MAX: variants seen among roughly 807,000 people sequenced by gnomAD.
MAX encodes MYC associated transcriptional regulator X.
Under a neutral mutation model 22.3 loss-of-function variants are expected in MAX, and 3 were observed. The ratio of observed to expected loss-of-function variants is 0.13; its 90% CI spans 0.06 to 0.35. The LOEUF is 0.35. Ranked by LOEUF, MAX falls within the 10% of genes least tolerant of loss-of-function variation. The probability of loss-of-function intolerance (pLI) is 1.00; values close to 1 mark genes in which losing one functional copy is unlikely to be tolerated. For synonymous variants in MAX, 72 were observed against 77.7 expected (o/e 0.93, Z 0.39); for missense variants, 119 against 209.4 (o/e 0.57, Z 2.66).
chr14:65,066,401 C>A (rs2062930693), intron 3 of MAX, among the ~76,000 whole-genome samples: 1 of 152,208 alleles, frequency 6.6e-6, no homozygotes, highest in African/African-American at 2.4e-5. Flanking sequence ...GGAACTGGGG[C>A]CAGGTGGCCT....
chr14:65,059,780 A>G (rs974272832), intron 3 of MAX, among the ~76,000 whole-genome samples: 12 of 150,438 alleles, frequency 8.0e-5, no homozygotes, highest in African/African-American at 2.9e-4. Flanking sequence ...AATTTTGTTT[A>G]TATATTTAAA....
chr14:65,093,688 A>G lies in MAX; in HGVS notation c.171+20T>C, dbSNP rs374325957. 38 of 1,357,012 alleles carry G rather than the reference A, an allele frequency of 2.8e-5. No homozygotes were observed. The highest frequency in any genetic ancestry group is 2.1e-5 in the Non-Finnish European group (20 of 945,230). The allele number at this position is 1,357,012 out of a possible 1,614,324, so 84.1% of individuals were successfully genotyped here. ...CCAAGCTAGTAGTGGCCAGCTACTC[A>G]GCTTTCTCAGGAAACTCACCTTCTC... is the stretch of plus-strand genomic sequence containing the variant. On this transcript the variant is annotated intron_variant, in intron 3 of 4. Transcript: ENST00000358664. This position sits in a 1 kb window ranked among gnomAD's most constrained non-coding sequence, Gnocchi z 4.4.
chr14:65,045,751 A>C (rs993061505), intron 3 of MAX, among the ~76,000 whole-genome samples: 3 of 151,798 alleles, frequency 2.0e-5, no homozygotes, highest in Non-Finnish European at 4.4e-5. Flanking sequence ...ATTTCCTTTG[A>C]GTTGTTGAGT....
rs1182549401 is a variant in MAX, at chr14:65,084,194, C to T, written c.172-6158G>A. The T allele has an allele frequency of 6.2e-7, 1 of 1,613,948 alleles. No individual in the cohort carries two copies. The highest frequency in any genetic ancestry group is 8.5e-7 in the Non-Finnish European group (1 of 1,179,890). ...ACAATCATTTTTTAAATCTTGCATT[C>T]TTTTTTCTTGTGCACTTGGTAGCTT... On this transcript the variant is annotated intron_variant, in intron 3 of 4. Coordinates refer to ENST00000358664, the MANE Select transcript of MAX (RefSeq NM_002382.5). This position sits in a 1 kb window ranked among gnomAD's most constrained non-coding sequence, Gnocchi z 4.3.
rs1390045484 is a variant in MAX at position 65,077,277 on chromosome 14, A to C, written c.296-614T>G. The C allele has an allele frequency of 8.3e-7, 1 of 1,208,820 alleles. No individual in the cohort carries two copies. Among genetic ancestry groups the C allele is most frequent in the South Asian group, 1.3e-5 (1 of 76,792 alleles). The allele number at this position is 1,208,820 out of a possible 1,614,324, so 74.9% of individuals were successfully genotyped here. A position where few individuals can be genotyped will look rare whatever the true frequency, so the allele number is the denominator to read the frequency against. ...TGGTTCAGCTCAGCTTGAGCCTGGA[A>C]GGTCAACCCATTTAATTTATTTTAT... On this transcript the variant is annotated intron_variant, in intron 4 of 4. Transcript: ENST00000358664. This position sits in a 1 kb window ranked among gnomAD's most constrained non-coding sequence, Gnocchi z 6.3.
At chr14:65,040,664 C>A in intron 3 of MAX, 63 of 567,598 alleles carry the variant, frequency 1.1e-4, no homozygotes, top group East Asian at 1.6e-4. Context: ...GGCATCTTTT[C>A]ATTCATAGTT....
Position 65,077,813 on chromosome 14 carries a change from CA to C in MAX, c.295+99del. Reference sequence around the variant, plus strand: ...GCAGGACCAAGCCTGCTACTGAGCACATACTCCATGACTGGCTCTGACTCTG... The same window carrying C: ...GCAGGACCAAGCCTGCTACTGAGCACTACTCCATGACTGGCTCTGACTCTG... On this transcript the variant is annotated intron_variant, in intron 4 of 4. Coordinates refer to ENST00000358664, the MANE Select transcript of MAX (RefSeq NM_002382.5). This position sits in a 1 kb window ranked among gnomAD's most constrained non-coding sequence, Gnocchi z 6.3. The C allele has an allele frequency of 6.2e-7, 1 of 1,614,182 alleles. No homozygotes were observed. Among genetic ancestry groups the C allele is most frequent in the Non-Finnish European group, 8.5e-7 (1 of 1,180,048 alleles).
chr14:65,095,901 C>A (rs956699425), intron 2 of MAX, among the ~76,000 whole-genome samples: 1 of 152,208 alleles, frequency 6.6e-6, no homozygotes, highest in Admixed American at 6.5e-5. Context: ...CTTGGTTTCA[C>A]GTGGACCTGC....
rs545852767 is a variant in MAX, at chr14:65,009,347, G to A, written c.172-3063C>T. ...TGTTATATTTCTTAATTTCACTGGC[G>A]CTTCACTAACTGCCTTATAATCCTT... On this transcript the variant is annotated intron_variant, in intron 3 of 3. Coordinates refer to the MAX transcript ENST00000341653. The surrounding 1 kb of genome is among the most constrained non-coding windows in gnomAD (Gnocchi z 4.2). 9.9e-5 allele frequency among the ~76,000 whole-genome samples: 15 copies of A among 152,024 alleles called. No individual in the cohort carries two copies. The highest frequency in any genetic ancestry group is 6.2e-4 in the South Asian group (3 of 4,808).
chr14:65,053,226 G>T (rs1483953158), intron 3 of MAX: 1 of 1,366,062 alleles, frequency 7.3e-7, no homozygotes, highest in Non-Finnish European at 9.5e-7. Context: ...CTGACCCTTT[G>T]CCCTTCAACA....
Position 65,032,702 on chromosome 14 carries a change from A to T in MAX, c.172-26418T>A, listed in dbSNP as rs201716333. On this transcript the variant is annotated intron_variant, in intron 3 of 3. Coordinates refer to the MAX transcript ENST00000341653. This position sits in a 1 kb window ranked among gnomAD's most constrained non-coding sequence, Gnocchi z 5.0. ...ACTGCTGAATGGATAGCAAGGTGAG[A>T]GAAGCCAGGGTTTCTCCTGGCCTCT... 29 of 1,613,060 alleles carry T rather than the reference A, an allele frequency of 1.8e-5. No individual in the cohort carries two copies. In the Middle Eastern group the frequency reaches 1.8e-3, roughly 101 times the overall value.
At chr14:65,051,914 C>A (rs2062622805) in intron 3 of MAX, among the ~76,000 whole-genome samples, 1 of 151,788 alleles carries the variant, frequency 6.6e-6, no homozygotes. Context: ...CCTGCCTCAG[C>A]CTCCTGAGTA....
chr14:65,074,667 C>A (rs947736871), downstream of MAX, among the ~76,000 whole-genome samples: 1 of 152,238 alleles, frequency 6.6e-6, no homozygotes, highest in African/African-American at 2.4e-5. Context: ...TAACTCGGTG[C>A]AGTTGGAGCC....
Position 65,069,678 on chromosome 14 carries a change from T to C in MAX, c.171+24030A>G, listed in dbSNP as rs929469757. Among the ~76,000 whole-genome samples the C allele has an allele frequency of 1.3e-5, 2 of 152,196 alleles. No individual in the cohort carries two copies. Among genetic ancestry groups the C allele is most frequent in the African/African-American group, 4.8e-5 (2 of 41,440 alleles). On this transcript the variant is annotated intron_variant, in intron 3 of 3. Coordinates refer to the MAX transcript ENST00000341653. This position sits in a 1 kb window ranked among gnomAD's most constrained non-coding sequence, Gnocchi z 4.6. Reference sequence around the variant, plus strand: ...GGCACACGCACATATGCATGCAGCATTTGTAGAGTACCCACCACAAGCCAA... The same window carrying C: ...GGCACACGCACATATGCATGCAGCACTTGTAGAGTACCCACCACAAGCCAA...
chr14:65,044,700 G>A lies in MAX; in HGVS notation c.172-38416C>T, dbSNP rs2296320. 2,716 of 529,518 alleles carry A rather than the reference G, an allele frequency of 5.1e-3. 43 individuals are homozygous for A. Among genetic ancestry groups the A allele is most frequent in the East Asian group, 0.045 (1,091 of 24,212 alleles). 32.8% of individuals were successfully genotyped at this position (529,518 alleles called of 1,614,324 possible). A position where few individuals can be genotyped will look rare whatever the true frequency, so the allele number is the denominator to read the frequency against. On this transcript the variant is annotated intron_variant, in intron 3 of 3. Transcript: ENST00000341653. The surrounding 1 kb of genome is among the most constrained non-coding windows in gnomAD (Gnocchi z 5.5). ...CTTCCTTGAAATTGCTACGGGGAGC[G>A]GGGAGGAAGTGGGCGCTGCTTCTGC...
rs1242630320 is a variant in MAX, at chr14:65,077,965, G to C, written c.243C>G (p.His81Gln). Reference protein sequence around the residue: ...IQYMRRKNHTHQQDIDDLKRQ... With the variant: ...IQYMRRKNHTQQQDIDDLKRQ... ...GCTTGAGGTCGTCAATATCTTGCTG[G>C]TGTGTGTGGTTTTTCCTTCGCATAT... Residue 81 changes from histidine to glutamine, a missense_variant, in exon 4 of 5, where the codon CAC becomes CAG. Transcript: ENST00000358664. The surrounding 1 kb of genome is among the most constrained non-coding windows in gnomAD (Gnocchi z 6.3). 6.2e-7 allele frequency: 1 copy of C among 1,614,216 alleles called. No homozygotes were observed. The highest frequency in any genetic ancestry group is 1.3e-5 in the African/African-American group (1 of 75,054).
Position 65,077,718 on chromosome 14 carries a change from T to G in MAX, c.295+195A>C, listed in dbSNP as rs1375198152. On this transcript the variant is annotated intron_variant, in intron 4 of 4. Coordinates refer to ENST00000358664, the MANE Select transcript of MAX (RefSeq NM_002382.5). The surrounding 1 kb of genome is among the most constrained non-coding windows in gnomAD (Gnocchi z 6.3). The stretch of plus-strand genomic sequence containing the variant: ...AGATGTCCAACTTCCTAGCTTCCAC[T>G]GTCTCCTCACTGGCGCCTCAGGTCC... 1 of 1,587,622 alleles carries G rather than the reference T, an allele frequency of 6.3e-7. No individual in the cohort carries two copies. The highest frequency in any genetic ancestry group is 8.6e-7 in the Non-Finnish European group (1 of 1,168,644).
chr14:65,029,086 G>T lies in MAX; in HGVS notation c.172-22802C>A, dbSNP rs2062034340. ...GGAAACTTCTCCAGTAAGGCAGCTT[G>T]GTTCCCCTGCCAAGCACTGTAGCCA... On this transcript the variant is annotated intron_variant, in intron 3 of 3. Coordinates refer to the MAX transcript ENST00000341653. This position sits in a 1 kb window ranked among gnomAD's most constrained non-coding sequence, Gnocchi z 4.7. Among the ~76,000 whole-genome samples, 1 of 152,090 alleles carries T rather than the reference G, an allele frequency of 6.6e-6. No homozygotes were observed.
chr14:65,041,647 C>T (rs902525694), intron 3 of MAX, among the ~76,000 whole-genome samples: 4 of 152,202 alleles, frequency 2.6e-5, no homozygotes, highest in Admixed American at 1.3e-4. Context: ...TGCGGCCCAT[C>T]GTGAGCTTCC....
Sources: gnomAD v4.1 joint callset for allele counts (sites outside exome capture counted in the v4.1 genomes callset) on GRCh38, gnomAD v4.1.1 for gene constraint, Gnocchi (gnomAD v3.1) non-coding constraint, MANE v1.5 for transcripts, NCBI Gene and HGNC (gene_info 2026-07-23, HGNC 2026-07-21) for gene names.